Variants in CTNND2 observed in about 807,000 individuals in gnomAD.
CTNND2 encodes the protein catenin delta-2.
Under a neutral mutation model 144.4 loss-of-function variants are expected in CTNND2, and 22 were observed. The ratio of observed to expected loss-of-function variants is 0.15; its 90% CI spans 0.11 to 0.22. The LOEUF is 0.22. Ranked by LOEUF, CTNND2 falls within the 10% of genes least tolerant of loss-of-function variation. CTNND2 has a pLI of 1.00. For synonymous variants in CTNND2, 751 were observed against 695.6 expected, an observed-to-expected ratio of 1.08 and a Z score of -1.25; for missense variants, 1,353 against 1,618.8, an observed-to-expected ratio of 0.84 and a Z score of 2.82.
At chr5:11,150,198 T>A (rs1757612799) in intron 12 of CTNND2, among the ~76,000 whole-genome samples, 1 of 152,070 alleles carries the variant, frequency 6.6e-6, no homozygotes. Context: ...CACTCTTCCA[T>A]AGCACAGCTG....
At chr5:11,469,535 G>A (rs540516212) in intron 3 of CTNND2, among the ~76,000 whole-genome samples, 21 of 152,272 alleles carry the variant, frequency 1.4e-4, no homozygotes, top group Admixed American at 4.6e-4. Context: ...TCCGTCAGCT[G>A]ACACTGCTTG....
chr5:11,125,050 T>C (rs1754538491), intron 12 of CTNND2, among the ~76,000 whole-genome samples: 1 of 152,192 alleles, frequency 6.6e-6, no homozygotes, highest in Non-Finnish European at 1.5e-5. Context: ...TGGGAAACTT[T>C]GTCTGTGGTT....
At chr5:11,361,752 C>T (rs1978462) in intron 8 of CTNND2, among the ~76,000 whole-genome samples, 99,998 of 152,120 alleles carry the variant, frequency 0.66, 33,993 homozygotes, top group African/African-American at 0.82. Context: ...ATTCTTCATC[C>T]TACCTTTGTT....
intron 9 of CTNND2, among the ~76,000 whole-genome samples, chr5:11,271,218 G>A (rs557258505): frequency 2.9e-4 from 44 of 152,138 alleles, no homozygotes; most frequent in African/African-American, 9.4e-4. Context: ...TACAAACACT[G>A]TTCATGACCA....
intron 9 of CTNND2, among the ~76,000 whole-genome samples, chr5:11,250,458 T>TCG (rs1743446052): frequency 1.9e-5 from 1 of 53,374 alleles, no homozygotes; most frequent in Non-Finnish European, 3.3e-5. Flanking sequence ...TAAAGGGTGC[T>TCG]CTCTCTCTCT....
chr5:11,408,815 G>C (rs751797670), intron 5 of CTNND2, among the ~76,000 whole-genome samples: 4 of 152,040 alleles, frequency 2.6e-5, no homozygotes, highest in Non-Finnish European at 5.9e-5. Context: ...GTGTGTAACA[G>C]AGTTTCTCAA....
At chr5:10,979,709 T>C (rs748564961) in intron 21 of CTNND2, among the ~76,000 whole-genome samples, 4 of 152,168 alleles carry the variant, frequency 2.6e-5, no homozygotes, top group Non-Finnish European at 5.9e-5. Context: ...TTCAGATATA[T>C]AGACTAAAGG....
intron 1 of CTNND2, among the ~76,000 whole-genome samples, chr5:11,794,690 C>T (rs1488188196): frequency 3.3e-5 from 5 of 152,202 alleles, no homozygotes; most frequent in African/African-American, 1.2e-4. Context: ...GAACTATAAA[C>T]ATCAGTCATT....
chr5:11,067,567 A>G (rs1436156643), intron 16 of CTNND2, among the ~76,000 whole-genome samples: 1 of 152,196 alleles, frequency 6.6e-6, no homozygotes, highest in East Asian at 1.9e-4. Flanking sequence ...CAGGAAAAGC[A>G]GCACCTCCAA....
chr5:11,135,181 C>T (rs1179243250), intron 12 of CTNND2, among the ~76,000 whole-genome samples: 1 of 152,296 alleles, frequency 6.6e-6, no homozygotes, highest in East Asian at 1.9e-4. Context: ...CAGCCCAGGG[C>T]ACATTTGTCA....
chr5:11,581,800 T>C (rs927621116), intron 2 of CTNND2, among the ~76,000 whole-genome samples: 2 of 152,188 alleles, frequency 1.3e-5, no homozygotes, highest in Non-Finnish European at 1.5e-5. Context: ...TTCCTTACAA[T>C]ATGCTCAGCG....
At chr5:11,368,137 A>T (rs553593206) in intron 7 of CTNND2, among the ~76,000 whole-genome samples, 1 of 152,278 alleles carries the variant, frequency 6.6e-6, no homozygotes, top group African/African-American at 2.4e-5. Context: ...TTCATGATGC[A>T]GGAGGACTAA....
chr5:11,831,980 T>C (rs547468038), intron 1 of CTNND2, among the ~76,000 whole-genome samples: 4 of 152,090 alleles, frequency 2.6e-5, no homozygotes, highest in African/African-American at 9.6e-5. Flanking sequence ...AAAACAAAAC[T>C]TCATTAAAAT....
chr5:11,244,602 C>T (rs1388063262), intron 9 of CTNND2, among the ~76,000 whole-genome samples: 1 of 152,146 alleles, frequency 6.6e-6, no homozygotes, highest in African/African-American at 2.4e-5. Flanking sequence ...TAAAATTAAT[C>T]ACATTTTTTC....
chr5:11,364,657 C>T (rs542798071), intron 8 of CTNND2, 39 bp downstream of exon 8: 5 of 1,552,094 alleles, frequency 3.2e-6, no homozygotes, highest in Admixed American at 4.2e-5. Context: ...GAGCCCACCC[C>T]CTGTGGACAG....
intron 1 of CTNND2, among the ~76,000 whole-genome samples, chr5:11,750,095 C>T (rs1224406858): frequency 6.6e-6 from 1 of 151,906 alleles, no homozygotes; most frequent in Non-Finnish European, 1.5e-5. Context: ...GAACCAACTG[C>T]ATAATCTCCC....
chr5:11,820,366 A>G (rs1793245290), intron 1 of CTNND2, among the ~76,000 whole-genome samples: 1 of 152,186 alleles, frequency 6.6e-6, no homozygotes, highest in Non-Finnish European at 1.5e-5. Context: ...TCAAACTTAG[A>G]AGAAGAATGG....
intron 16 of CTNND2, among the ~76,000 whole-genome samples, chr5:11,065,350 A>C (rs1747448289): frequency 1.3e-5 from 2 of 152,336 alleles, no homozygotes; most frequent in South Asian, 4.1e-4. Flanking sequence ...ACAGAACTTT[A>C]CTGCTTGATC....
At chr5:11,341,968 C>T (rs1032246739) in intron 9 of CTNND2, among the ~76,000 whole-genome samples, 2 of 152,218 alleles carry the variant, frequency 1.3e-5, no homozygotes, top group Admixed American at 6.5e-5. Flanking sequence ...TAGGATCACA[C>T]CACTGCACTC....
Sources: allele counts gnomAD v4.1 joint callset (sites outside exome capture counted in the v4.1 genomes callset), GRCh38; gene constraint gnomAD v4.1.1; transcripts MANE v1.5; gene names NCBI Gene and HGNC (gene_info 2026-07-23, HGNC 2026-07-21).